The following VWC2L variants were observed in gnomAD, a reference collection of about 807,000 sequenced individuals.
VWC2L encodes von Willebrand factor C domain containing 2 like.
VWC2L carries 10 observed loss-of-function variants against 21.6 expected under a neutral mutation model. The observed-to-expected ratio is 0.46, with a 90% confidence interval of 0.29 to 0.78. VWC2L has a LOEUF of 0.78. Ranked by LOEUF, VWC2L falls within the 30% of genes least tolerant of loss-of-function variation. VWC2L has a pLI of 0.10. For missense variants in VWC2L, 209 were observed against 277.1 expected, an observed-to-expected ratio of 0.75 and a Z score of 1.74; for synonymous variants, 96 against 94.3, an observed-to-expected ratio of 1.02 and a Z score of -0.10.
At chr2:214,450,790 C>T (rs1372268882) in intron 3 of VWC2L, among the ~76,000 whole-genome samples, 5 of 152,144 alleles carry the variant, frequency 3.3e-5, no homozygotes, top group Admixed American at 6.5e-5. Context: ...GCCCTTTTCA[C>T]ATGTTTTCTC....
At position 214,414,544 on chromosome 2, in the gene VWC2L, A is replaced by T. The variant is rs1323561351; in HGVS notation, c.351A>T (p.Glu117Asp). 1.2e-6 allele frequency: 2 copies of T among 1,613,028 alleles called. No individual in the cohort carries two copies. Among genetic ancestry groups the T allele is most frequent in the East Asian group, 4.5e-5 (2 of 44,882 alleles). The change falls in exon 2 of 4, where the codon GAA becomes GAT. Residue 117 changes from glutamate (E) to aspartate (D), a missense_variant. By Grantham distance (45) the Glu-to-Asp change is conservative. Transcript: ENST00000312504. Reference protein sequence around the residue: ...PECKEVKNFCEYHGKNYKILE... With the variant: ...PECKEVKNFCDYHGKNYKILE... ...GCAAAGAAGTAAAAAACTTCTGTGA[A>T]TATCACGGGAAAAATTACAAAATCT...
chr2:214,572,197 T>C (rs1045916493), intron 3 of VWC2L, among the ~76,000 whole-genome samples: 1 of 152,226 alleles, frequency 6.6e-6, no homozygotes, highest in African/African-American at 2.4e-5. Context: ...GTGTGTTCAA[T>C]TCATTGAGAA....
At chr2:214,541,019 T>A (rs7580517) in intron 3 of VWC2L, among the ~76,000 whole-genome samples, 88,189 of 151,982 alleles carry the variant, frequency 0.58, 26,041 homozygotes, top group East Asian at 0.73. Flanking sequence ...TGCTAGTTAA[T>A]TGTTAATACT....
intron 2 of VWC2L, among the ~76,000 whole-genome samples, chr2:214,416,004 T>C (rs548127211): frequency 6.6e-6 from 1 of 152,206 alleles, no homozygotes; most frequent in Admixed American, 6.6e-5. Flanking sequence ...CTATTTTTAA[T>C]GTCATCTTAA....
At chr2:214,562,888 A>C (rs1689998870) in intron 3 of VWC2L, among the ~76,000 whole-genome samples, 2 of 152,100 alleles carry the variant, frequency 1.3e-5, no homozygotes, top group Admixed American at 1.3e-4. Context: ...AGATTGCAAA[A>C]ATTTTCTTCC....
intron 3 of VWC2L, among the ~76,000 whole-genome samples, chr2:214,535,793 A>C (rs1689517074): frequency 1.0e-5 from 1 of 100,490 alleles, no homozygotes; most frequent in African/African-American, 3.7e-5. Flanking sequence ...ATTTGGAAAA[A>C]TGAAACACAC....
At chr2:214,482,548 C>T (rs538187437) in intron 3 of VWC2L, among the ~76,000 whole-genome samples, 1 of 150,272 alleles carries the variant, frequency 6.7e-6, no homozygotes, top group South Asian at 2.1e-4. Context: ...CACACACACA[C>T]ACACATATAT....
intron 3 of VWC2L, among the ~76,000 whole-genome samples, chr2:214,526,062 AAAAT>A (rs1161115778): frequency 9.3e-5 from 14 of 150,888 alleles, no homozygotes; most frequent in Non-Finnish European, 1.9e-4. Flanking sequence ...AGTCATACCA[AAAAT>A]AAATAACATA....
intron 3 of VWC2L, among the ~76,000 whole-genome samples, chr2:214,492,971 C>T (rs765419495): frequency 5.9e-5 from 9 of 152,188 alleles, no homozygotes; most frequent in South Asian, 2.1e-4. Context: ...CCTGGCCAAG[C>T]GTTTATCAAT....
chr2:214,489,481 G>C (rs1559306344), intron 3 of VWC2L, among the ~76,000 whole-genome samples: 1 of 152,076 alleles, frequency 6.6e-6, no homozygotes, highest in Non-Finnish European at 1.5e-5. Context: ...GACAAGAAGG[G>C]GATAGAGTAC....
intron 3 of VWC2L, among the ~76,000 whole-genome samples, chr2:214,573,490 C>G (rs1690182905): frequency 2.6e-5 from 4 of 152,164 alleles, no homozygotes; most frequent in Admixed American, 2.6e-4. Context: ...ACTGCCTCCT[C>G]CGGTTTGACT....
chr2:214,422,448 A>G (rs7563065), intron 2 of VWC2L, among the ~76,000 whole-genome samples: 102,939 of 152,014 alleles, frequency 0.68, 36,131 homozygotes, highest in African/African-American at 0.87. Flanking sequence ...CCTGCATCTT[A>G]ATTTATACAT....
intron 3 of VWC2L, among the ~76,000 whole-genome samples, chr2:214,454,909 A>G (rs1703032931): frequency 6.6e-6 from 1 of 152,080 alleles, no homozygotes; most frequent in Admixed American, 6.6e-5. Context: ...GGCTAAGTCA[A>G]CTTTGCATTC....
intron 3 of VWC2L, among the ~76,000 whole-genome samples, chr2:214,463,757 C>T (rs1703175725): frequency 6.6e-6 from 1 of 152,132 alleles, no homozygotes; most frequent in Admixed American, 6.6e-5. Flanking sequence ...TAGCTTATCA[C>T]ATTTGACCTC....
At chr2:214,450,261 T>A (rs1400469430) in intron 3 of VWC2L, among the ~76,000 whole-genome samples, 1 of 152,184 alleles carries the variant, frequency 6.6e-6, no homozygotes, top group East Asian at 1.9e-4. Flanking sequence ...ATTGAATTCT[T>A]GTACTTACAG....
At chr2:214,526,706 C>T (rs1408708164) in intron 3 of VWC2L, among the ~76,000 whole-genome samples, 1 of 152,166 alleles carries the variant, frequency 6.6e-6, no homozygotes, top group East Asian at 1.9e-4. Context: ...AGCTTGCGCC[C>T]TTGCTTATAA....
chr2:214,575,572 T>C, intron 3 of VWC2L, 100 bp from the exon 4 acceptor site: 1 of 1,353,206 alleles, frequency 7.4e-7, no homozygotes, highest in Non-Finnish European at 1.0e-6. Context: ...TAGAGTAGTC[T>C]GACTTACTCA....
chr2:214,498,702 CATATTTTTATATGTGTATATATTATACAT>C, intron 3 of VWC2L, among the ~76,000 whole-genome samples: 3 of 39,116 alleles, frequency 7.7e-5, no homozygotes, highest in Non-Finnish European at 2.5e-4. Flanking sequence ...TATACATATA[CATATTTTTATATGTGTATATATTATACAT>C]ATACATATTT....
chr2:214,448,971 T>C (rs1281273889), intron 3 of VWC2L, among the ~76,000 whole-genome samples: 5 of 152,118 alleles, frequency 3.3e-5, no homozygotes, highest in Non-Finnish European at 7.4e-5. Flanking sequence ...TCTTCTCCTC[T>C]ATGGGCCAGG....
Sources: gnomAD v4.1 joint callset for allele counts (sites outside exome capture counted in the v4.1 genomes callset) on GRCh38, gnomAD v4.1.1 for gene constraint, MANE v1.5 for transcripts, NCBI Gene and HGNC (gene_info 2026-07-23, HGNC 2026-07-21) for gene names.